Variants in PGM2 observed in about 807,000 individuals in gnomAD.
The protein encoded by PGM2 is phosphopentomutase.
In PGM2, 57 loss-of-function variants were observed where a neutral mutation model predicts 74.6. The observed-to-expected ratio is 0.76, with a 90% CI of 0.62 to 0.95. The LOEUF (loss-of-function observed/expected upper bound fraction) is 0.95, where lower values mean the gene tolerates loss of function less well. Among genes scored for constraint, PGM2 ranks in the 40% least tolerant of loss-of-function variants. The pLI, the probability that PGM2 is intolerant of heterozygous loss-of-function variation, is 0.00. For synonymous variants in PGM2, 273 were observed against 260.7 expected, an observed-to-expected ratio of 1.05 and a Z score of -0.46; for missense variants, 706 against 741.9, an observed-to-expected ratio of 0.95 and a Z score of 0.56.
intron 4 of PGM2, among the ~76,000 whole-genome samples, chr4:37,838,294 T>C (rs1342910132): frequency 3.9e-5 from 6 of 152,258 alleles, no homozygotes; most frequent in Admixed American, 2.6e-4. Flanking sequence ...ATGAATATTT[T>C]TGACAAGCTG....
At chr4:37,844,687 G>A (rs985901447) in intron 7 of PGM2, 134 bp downstream of exon 7, 2 of 622,910 alleles carry the variant, frequency 3.2e-6, no homozygotes, top group Admixed American at 5.9e-5. Flanking sequence ...TGTATGTTTG[G>A]CTGGGTGCAG....
chr4:37,859,483 A>G lies in PGM2; in HGVS notation c.1737-2027A>G, dbSNP rs1711692435. Among the ~76,000 whole-genome samples the G allele has an allele frequency of 1.3e-5, 2 of 152,308 alleles. 1 individual carries two copies. ...TGGGCATGGGTTAAAGTTACAGTCT[A>G]CAGGTGGAATTCTTCAGGAAAACCT... is the stretch of plus-strand genomic sequence containing the variant. On this transcript the variant is annotated intron_variant, in intron 13 of 13. Coordinates refer to ENST00000381967, the MANE Select transcript of PGM2 (RefSeq NM_018290.4).
At chr4:37,856,527 A>G (rs1726203939) in intron 13 of PGM2, among the ~76,000 whole-genome samples, 1 of 152,152 alleles carries the variant, frequency 6.6e-6, no homozygotes, top group African/African-American at 2.4e-5. Context: ...GCTGCCAAAG[A>G]ACTGATGGGC....
chr4:37,840,271 G>A lies in PGM2; in HGVS notation c.719+12G>A. The A allele has an allele frequency of 6.6e-7, 1 of 1,526,180 alleles. No individual in the cohort carries two copies. Among genetic ancestry groups the A allele is most frequent in the African/African-American group, 1.4e-5 (1 of 73,132 alleles). 94.5% of individuals were successfully genotyped at this position (1,526,180 alleles called of 1,614,324 possible). On this transcript the variant is annotated intron_variant, in intron 6 of 13. Coordinates refer to ENST00000381967, the MANE Select transcript of PGM2 (RefSeq NM_018290.4). ...TACTGTTTCCACAGGTAAATGAATT[G>A]TGTCTTCACTGACCTTAAGTGAGTT... is the stretch of plus-strand genomic sequence containing the variant.
intron 3 of PGM2, among the ~76,000 whole-genome samples, chr4:37,835,510 C>T (rs554927692): frequency 5.3e-4 from 80 of 152,308 alleles, no homozygotes; most frequent in African/African-American, 1.8e-3. Context: ...AACCCCTGCC[C>T]GTAACCATGT....
chr4:37,851,745 T>A (rs1257742109), intron 12 of PGM2, among the ~76,000 whole-genome samples: 3 of 152,196 alleles, frequency 2.0e-5, no homozygotes, highest in Admixed American at 6.5e-5. Context: ...TGACTTTCTA[T>A]TTTTGAGATA....
chr4:37,830,433 A>T (rs558368152), intron 2 of PGM2, among the ~76,000 whole-genome samples: 26 of 152,346 alleles, frequency 1.7e-4, no homozygotes, highest in African/African-American at 6.3e-4. Context: ...TGGAGCTTTC[A>T]TTCCAGTATA....
Position 37,850,294 on chromosome 4 carries a change from A to G in PGM2, c.1523A>G (p.Lys508Arg). Residue 508 changes from lysine to arginine, a missense_variant, in exon 12 of 14, where the codon AAA becomes AGA. By Grantham distance (26) the Lys-to-Arg change is conservative. This residue lies in a region of PGM2 where 359 missense variants were observed against 371.1 expected (regional missense o/e 0.97). Transcript: ENST00000381967. ...RNYDGKNNYPKACGKFEISAI... is the reference protein window; with the variant it reads ...RNYDGKNNYPRACGKFEISAI... ...TACGATGGAAAAAATAATTATCCAA[A>G]AGCTTGTGGCAAATTTGAAATTTCT... The G allele has an allele frequency of 6.3e-7, 1 of 1,592,382 alleles. No homozygotes were observed. Among genetic ancestry groups the G allele is most frequent in the Non-Finnish European group, 8.5e-7 (1 of 1,173,586 alleles).
At position 37,826,712 on chromosome 4, in the gene PGM2, A is replaced by C. The variant is rs199500196; in HGVS notation, c.-21A>C. 3 of 1,541,258 alleles carry C rather than the reference A, an allele frequency of 1.9e-6. No individual in the cohort carries two copies. Among genetic ancestry groups the C allele is most frequent in the South Asian group, 2.4e-5 (2 of 83,888 alleles). ...GATCTCACCGCCTGCTTCCCTCTGC[A>C]GCGGTAGCACAAGCTCAGCGATGGC... On this transcript the variant is annotated 5_prime_UTR_variant, in exon 1 of 14. Transcript: ENST00000381967.
intron 12 of PGM2, among the ~76,000 whole-genome samples, chr4:37,852,274 G>A (rs1028518870): frequency 2.0e-5 from 3 of 149,968 alleles, no homozygotes; most frequent in African/African-American, 7.4e-5. Context: ...CTTAATTCAT[G>A]TAGTAATAGT....
intron 4 of PGM2, among the ~76,000 whole-genome samples, chr4:37,838,071 AGGTTT>A (rs1294374818): frequency 3.9e-5 from 6 of 152,082 alleles, no homozygotes; most frequent in Non-Finnish European, 8.8e-5. Flanking sequence ...AGTAGCGACG[AGGTTT>A]CACCACGTTG....
chr4:37,835,169 T>G (rs918205397), intron 3 of PGM2, among the ~76,000 whole-genome samples: 17 of 152,190 alleles, frequency 1.1e-4, no homozygotes, highest in African/African-American at 4.1e-4. Flanking sequence ...CAGCAATCAT[T>G]TGAGTGCTGA....
intron 13 of PGM2, among the ~76,000 whole-genome samples, chr4:37,856,952 TC>T (rs1560422034): frequency 2.0e-5 from 3 of 152,156 alleles, no homozygotes; most frequent in African/African-American, 7.2e-5. Context: ...TCTTTTTTTT[TC>T]CTCTGGAAAA....
intron 7 of PGM2, among the ~76,000 whole-genome samples, chr4:37,845,388 C>A (rs926168759): frequency 1.3e-5 from 2 of 152,214 alleles, no homozygotes; most frequent in African/African-American, 4.8e-5. Context: ...CACTGGTAGG[C>A]TTGGGTCACA....
chr4:37,831,735 A>G (rs1391727236), intron 2 of PGM2, among the ~76,000 whole-genome samples: 1 of 152,230 alleles, frequency 6.6e-6, no homozygotes. Flanking sequence ...AAAGTCACAC[A>G]GTGTCACTTC....
At chr4:37,850,432 T>C in intron 12 of PGM2, 59 bp downstream of exon 12, 2 of 991,566 alleles carry the variant, frequency 2.0e-6, no homozygotes, top group Non-Finnish European at 2.8e-6. Flanking sequence ...TAAAATAATT[T>C]GAATAAATTA....
intron 1 of PGM2, among the ~76,000 whole-genome samples, chr4:37,827,442 A>G (rs1427212508): frequency 6.7e-6 from 1 of 149,752 alleles, no homozygotes; most frequent in Non-Finnish European, 1.5e-5. Flanking sequence ...TCTGGACATC[A>G]CTCCCTCTCC....
chr4:37,831,141 C>T (rs1335464934), intron 2 of PGM2, among the ~76,000 whole-genome samples: 1 of 137,930 alleles, frequency 7.3e-6, no homozygotes, highest in Admixed American at 8.2e-5. Flanking sequence ...CGTAGTGAGC[C>T]GACATTGTGC....
chr4:37,859,899 T>G (rs1711706689), intron 13 of PGM2, among the ~76,000 whole-genome samples: 1 of 152,210 alleles, frequency 6.6e-6, no homozygotes, highest in African/African-American at 2.4e-5. Flanking sequence ...TTATAGGATG[T>G]GTCCTGTTAT....
Sources: gnomAD v4.1 joint callset for allele counts (sites outside exome capture counted in the v4.1 genomes callset) on GRCh38, gnomAD v4.1.1 for gene constraint, gnomAD v4.1.1 regional missense constraint, MANE v1.5 for transcripts, NCBI Gene and HGNC (gene_info 2026-07-23, HGNC 2026-07-21) for gene names.